SPAM1: variants seen among roughly 807,000 people sequenced by gnomAD.
The protein encoded by SPAM1 is sperm adhesion molecule 1.
Under a neutral mutation model 29.6 loss-of-function variants are expected in SPAM1, and 22 were observed. The observed-to-expected ratio is 0.74, with a 90% CI of 0.53 to 1.06. The LOEUF (loss-of-function observed/expected upper bound fraction) is 1.06, where lower values mean the gene tolerates loss of function less well. Among genes scored for constraint, SPAM1 ranks in the 50% least tolerant of loss-of-function variants. SPAM1 has a pLI of 0.00. For synonymous variants in SPAM1, 194 were observed against 204.6 expected (o/e 0.95, Z 0.44); for missense variants, 534 against 604.0 (o/e 0.88, Z 1.21).
At chr7:123,937,334 G>T (rs1050823125) in intron 1 of SPAM1, among the ~76,000 whole-genome samples, 2 of 152,180 alleles carry the variant, frequency 1.3e-5, no homozygotes, top group Admixed American at 1.3e-4. Context: ...GGGCGCGGTG[G>T]CTCACGCCTG....
At chr7:123,931,853 G>A (rs1303282963) in intron 1 of SPAM1, among the ~76,000 whole-genome samples, 2 of 152,088 alleles carry the variant, frequency 1.3e-5, no homozygotes, top group Non-Finnish European at 2.9e-5. Context: ...CATAAAAAGC[G>A]ATGAAAGGAG....
intron 5 of SPAM1, among the ~76,000 whole-genome samples, chr7:123,966,259 G>A (rs10228077): frequency 0.12 from 18,999 of 151,994 alleles, 1,273 homozygotes; most frequent in Middle Eastern, 0.15. Flanking sequence ...TTATTAAAAA[G>A]TCAAGAAACA....
chr7:123,960,971 T>C (rs1212403074), downstream of SPAM1, among the ~76,000 whole-genome samples: 1 of 151,932 alleles, frequency 6.6e-6, no homozygotes, highest in Non-Finnish European at 1.5e-5. Context: ...GGTTGAAGTT[T>C]TTAAAATTGA....
In SPAM1 at chr7:123,953,912, C is replaced by T; in HGVS notation, c.342C>T (p.Ile114=). The T allele has an allele frequency of 6.2e-7, 1 of 1,613,598 alleles. No homozygotes were observed. Among genetic ancestry groups the T allele is most frequent in the Non-Finnish European group, 8.5e-7 (1 of 1,179,704 alleles). The change falls in exon 3 of 5, where the codon ATC becomes ATT. Residue 114 remains isoleucine (I), a synonymous_variant. Coordinates refer to ENST00000682466, the MANE Select transcript of SPAM1 (RefSeq NM_153189.3). ...CAGGAGTAACTGTGAATGGAGGAAT[C>T]CCCCAGAAGATTTCCTTACAAGACC... The part of the protein sequence containing the change: ...SITGVTVNGG[I]PQKISLQDHL...
intron 1 of SPAM1, among the ~76,000 whole-genome samples, chr7:123,932,892 C>G (rs1348320989): frequency 1.3e-5 from 2 of 151,956 alleles, no homozygotes; most frequent in African/African-American, 4.8e-5. Context: ...GCAGGGTGTC[C>G]CAGCCAATGA....
At chr7:123,959,413 TA>T in intron 4 of SPAM1, 70 bp from the exon 5 acceptor site, 1 of 1,099,920 alleles carries the variant, frequency 9.1e-7, no homozygotes, top group Non-Finnish European at 1.3e-6. Flanking sequence ...AATTGCTTAA[TA>T]CACTAAATTA....
intron 5 of SPAM1, among the ~76,000 whole-genome samples, chr7:123,968,379 G>T (rs182279080): frequency 7.9e-5 from 12 of 152,168 alleles, no homozygotes; most frequent in Admixed American, 3.9e-4. Flanking sequence ...GCTGGCAGGC[G>T]TGTCTTATGG....
chr7:123,950,597 A>AT (rs551438550), intron 2 of SPAM1, among the ~76,000 whole-genome samples: 2 of 151,948 alleles, frequency 1.3e-5, no homozygotes, highest in South Asian at 2.1e-4. Context: ...TGATTTTATT[A>AT]TTTTTTTATG....
rs1461211558 is a variant in SPAM1 at position 123,936,381 on chromosome 7, A to G, written c.-319+11029A>G. On this transcript the variant is annotated intron_variant, in intron 1 of 4. Coordinates refer to ENST00000682466, the MANE Select transcript of SPAM1 (RefSeq NM_153189.3). The stretch of plus-strand genomic sequence containing the variant: ...GGATGTGGAAATTTTATTCTTTGGT[A>G]AAAGGAGACGAGTTAGCTCCTCATG... Among the ~76,000 whole-genome samples the G allele has an allele frequency of 5.3e-5, 8 of 152,338 alleles. 1 individual carries two copies. The East Asian group carries it at 1.5e-3, about 29-fold the overall frequency.
intron 5 of SPAM1, among the ~76,000 whole-genome samples, chr7:123,968,149 G>A (rs1792452032): frequency 6.6e-6 from 1 of 152,042 alleles, no homozygotes; most frequent in Admixed American, 6.6e-5. Flanking sequence ...TACTGAGGTG[G>A]CAGTGTTAGA....
intron 1 of SPAM1, among the ~76,000 whole-genome samples, chr7:123,948,441 C>T (rs1808655902): frequency 6.6e-6 from 1 of 152,114 alleles, no homozygotes; most frequent in Non-Finnish European, 1.5e-5. Context: ...GAATGATTCC[C>T]ACATTATGTA....
At chr7:123,946,607 A>C (rs1808583046) in intron 1 of SPAM1, among the ~76,000 whole-genome samples, 1 of 152,162 alleles carries the variant, frequency 6.6e-6, no homozygotes, top group African/African-American at 2.4e-5. Context: ...GAGAGACATG[A>C]GACATCAGTC....
chr7:123,958,347 A>T (rs558249486), intron 4 of SPAM1, among the ~76,000 whole-genome samples: 1 of 152,168 alleles, frequency 6.6e-6, no homozygotes, highest in African/African-American at 2.4e-5. Context: ...AGAACATACC[A>T]GTCTCAAGAT....
At chr7:123,958,764 C>G (rs1274447332) in intron 4 of SPAM1, among the ~76,000 whole-genome samples, 1 of 150,968 alleles carries the variant, frequency 6.6e-6, no homozygotes, top group African/African-American at 2.4e-5. Context: ...CCCAGGAGAT[C>G]AAAGGTGCAG....
chr7:123,950,480 T>C (rs1432514445), intron 2 of SPAM1, among the ~76,000 whole-genome samples: 2 of 152,082 alleles, frequency 1.3e-5, no homozygotes, highest in Admixed American at 6.6e-5. Context: ...TGAGTACTCA[T>C]TGTTTAGTTC....
At chr7:123,943,090 T>C (rs1436763202) in intron 1 of SPAM1, among the ~76,000 whole-genome samples, 1 of 152,228 alleles carries the variant, frequency 6.6e-6, no homozygotes, top group Non-Finnish European at 1.5e-5. Context: ...AAGAAAAGTT[T>C]TTCTTACCTC....
At chr7:123,960,496 G>GA (rs1792344389), downstream of SPAM1, among the ~76,000 whole-genome samples, 1 of 99,318 alleles carries the variant, frequency 1.0e-5, no homozygotes, top group Non-Finnish European at 2.1e-5. Flanking sequence ...TAAGGGAAAA[G>GA]AATTAGTATT....
chr7:123,968,983 A>G (rs1243155462), intron 5 of SPAM1, among the ~76,000 whole-genome samples: 2 of 151,966 alleles, frequency 1.3e-5, no homozygotes, highest in Non-Finnish European at 2.9e-5. Flanking sequence ...TTCTCATTTA[A>G]TCTCCATAAT....
At chr7:123,964,852 T>C (rs1201198502), downstream of SPAM1, among the ~76,000 whole-genome samples, 5 of 152,032 alleles carry the variant, frequency 3.3e-5, no homozygotes, top group Non-Finnish European at 7.4e-5. Flanking sequence ...AATAAATATA[T>C]AATTTTTGTA....
Sources: gnomAD v4.1 joint callset for allele counts (sites outside exome capture counted in the v4.1 genomes callset) on GRCh38, gnomAD v4.1.1 for gene constraint, MANE v1.5 for transcripts, NCBI Gene and HGNC (gene_info 2026-07-23, HGNC 2026-07-21) for gene names.